The following SLCO2A1 variants were observed in gnomAD, a reference collection of about 807,000 sequenced individuals.
SLCO2A1 encodes the protein matrin F/G 1.
Under a neutral mutation model 71.7 loss-of-function variants are expected in SLCO2A1, and 60 were observed. That is an observed-to-expected ratio of 0.84 (90% CI 0.68 to 1.04). The LOEUF (loss-of-function observed/expected upper bound fraction) is 1.04, where lower values mean the gene tolerates loss of function less well. SLCO2A1 is among the 50% of genes least tolerant of loss of function. The probability of loss-of-function intolerance (pLI) is 0.00; values close to 1 mark genes in which losing one functional copy is unlikely to be tolerated. For missense variants in SLCO2A1, 745 were observed against 813.4 expected (o/e 0.92, Z 1.02); for synonymous variants, 308 against 326.7 (o/e 0.94, Z 0.62).
intron 6 of SLCO2A1, among the ~76,000 whole-genome samples, chr3:133,949,369 G>A (rs1198803260): frequency 2.0e-5 from 3 of 151,228 alleles, no homozygotes; most frequent in Non-Finnish European, 1.5e-5. Flanking sequence ...GGTCTAGAAT[G>A]CCATCTGTTT....
chr3:133,982,987 C>T (rs1934628909), intron 1 of SLCO2A1, among the ~76,000 whole-genome samples: 1 of 152,148 alleles, frequency 6.6e-6, no homozygotes, highest in Admixed American at 6.5e-5. Flanking sequence ...ATATTTTCTG[C>T]TGAGACTGAT....
chr3:134,014,550 G>A (rs143087690), intron 1 of SLCO2A1, among the ~76,000 whole-genome samples: 388 of 152,286 alleles, frequency 2.5e-3, no homozygotes, highest in Middle Eastern at 0.014. Context: ...GACAATGCGG[G>A]TGCTTTCGCC....
At chr3:133,941,176 T>C (rs1370165801) in intron 11 of SLCO2A1, among the ~76,000 whole-genome samples, 3 of 152,194 alleles carry the variant, frequency 2.0e-5, no homozygotes, top group Non-Finnish European at 4.4e-5. Context: ...ATAAATAGGG[T>C]AAAATCCCAG....
intron 1 of SLCO2A1, among the ~76,000 whole-genome samples, chr3:134,020,435 CTCCA>C (rs1935549504): frequency 6.6e-6 from 1 of 152,224 alleles, no homozygotes; most frequent in East Asian, 1.9e-4. Flanking sequence ...CGGCGGGGGA[CTCCA>C]ACTAGCCCAA....
chr3:133,945,092 T>C lies in SLCO2A1; in HGVS notation c.1461+3A>G. Reference sequence around the variant, plus strand: ...CTTGCCTCTGGACCCTGGCTGCCCTTACCAGTTGCTTGGAGGTTGCAGAGC... The same window carrying C: ...CTTGCCTCTGGACCCTGGCTGCCCTCACCAGTTGCTTGGAGGTTGCAGAGC... On this transcript the variant is annotated splice_donor_region_variant and intron_variant, in intron 10 of 13. Transcript: ENST00000310926. 6.2e-7 allele frequency: 1 copy of C among 1,611,184 alleles called. No individual in the cohort carries two copies.
At chr3:134,028,176 CT>C (rs1484179255) in intron 1 of SLCO2A1, among the ~76,000 whole-genome samples, 1 of 152,198 alleles carries the variant, frequency 6.6e-6, no homozygotes, top group African/African-American at 2.4e-5. Context: ...TGTCAGGAAT[CT>C]GTTCTGGACA....
chr3:133,988,259 T>C (rs1464112580), intron 1 of SLCO2A1, among the ~76,000 whole-genome samples: 1 of 152,198 alleles, frequency 6.6e-6, no homozygotes, highest in Non-Finnish European at 1.5e-5. Context: ...GCCTACTACT[T>C]GAAGGCTTCC....
chr3:133,991,735 C>T (rs1460598342), intron 1 of SLCO2A1, among the ~76,000 whole-genome samples: 1 of 152,186 alleles, frequency 6.6e-6, no homozygotes, highest in Admixed American at 6.5e-5. Flanking sequence ...GGAGGGGAGG[C>T]TGCAGGGGGC....
rs955668062 is a variant in SLCO2A1 at position 133,932,866 on chromosome 3, T to C, written c.*1847A>G. 6.5e-6 allele frequency: 1 copy of C among 152,716 alleles called. No homozygotes were observed. The highest frequency in any genetic ancestry group is 2.4e-5 in the African/African-American group (1 of 41,562). 9.5% of individuals were successfully genotyped at this position (152,716 alleles called of 1,614,324 possible). On this transcript the variant is annotated 3_prime_UTR_variant, in exon 14 of 14. Transcript: ENST00000310926. ...TTGCCATGGGAAAGACCAGGGTTAG[T>C]TGCAGGGCATCATTTTCCAAGCAGA...
chr3:133,951,065 G>T, intron 6 of SLCO2A1, 143 bp downstream of exon 6: 1 of 1,095,494 alleles, frequency 9.1e-7, no homozygotes, highest in Non-Finnish European at 1.4e-6. Context: ...AAAGCCTCTG[G>T]GAAGTCCTGC....
chr3:134,021,080 G>T (rs375979780), intron 1 of SLCO2A1, among the ~76,000 whole-genome samples: 1 of 152,160 alleles, frequency 6.6e-6, no homozygotes, highest in Non-Finnish European at 1.5e-5. Context: ...CTTTGGTTTT[G>T]GTTTTGACCT....
chr3:133,950,614 T>C (rs945416843), intron 6 of SLCO2A1, among the ~76,000 whole-genome samples: 2 of 152,184 alleles, frequency 1.3e-5, no homozygotes, highest in Non-Finnish European at 2.9e-5. Context: ...GCTCTAGAAC[T>C]TCATGGAATT....
At chr3:133,945,305 A>G (rs1296659788) in intron 9 of SLCO2A1, 45 bp from the exon 10 acceptor site, 2 of 1,558,764 alleles carry the variant, frequency 1.3e-6, no homozygotes, top group East Asian at 2.3e-5. Flanking sequence ...AGCAAGACCA[A>G]AGAAAAACCC....
At position 134,010,820 on chromosome 3, in the gene SLCO2A1, G is replaced by A. The variant is rs190822589; in HGVS notation, c.96+18887C>T. Among the ~76,000 whole-genome samples, 14 of 150,838 alleles carry A rather than the reference G, an allele frequency of 9.3e-5. No individual in the cohort carries two copies. The East Asian group carries it at 2.5e-3, about 27-fold the overall frequency. On this transcript the variant is annotated intron_variant, in intron 1 of 13. Transcript: ENST00000310926. Reference sequence around the variant, plus strand: ...CTCACTATCACAAAAACAGCATGGGGGAAACTGCCCCCATGATCCAATCAC... The same window carrying A: ...CTCACTATCACAAAAACAGCATGGGAGAAACTGCCCCCATGATCCAATCAC...
chr3:134,013,555 C>T (rs1935384637), intron 1 of SLCO2A1, among the ~76,000 whole-genome samples: 1 of 152,162 alleles, frequency 6.6e-6, no homozygotes, highest in Non-Finnish European at 1.5e-5. Context: ...CACACTTGTC[C>T]CACTTAAATT....
At chr3:134,010,156 G>A (rs1935303856) in intron 1 of SLCO2A1, among the ~76,000 whole-genome samples, 1 of 152,182 alleles carries the variant, frequency 6.6e-6, no homozygotes, top group South Asian at 2.1e-4. Flanking sequence ...AATGAAATGT[G>A]CCCATATTTG....
chr3:133,934,746 C>T lies in SLCO2A1; in HGVS notation c.1899G>A (p.Glu633=), dbSNP rs757611356. 84 of 1,613,536 alleles carry T rather than the reference C, an allele frequency of 5.2e-5. No individual in the cohort carries two copies. Among genetic ancestry groups the T allele is most frequent in the Non-Finnish European group, 6.7e-5 (79 of 1,180,010 alleles). Residue 633 remains glutamate, a synonymous_variant, in exon 14 of 14, where the codon GAG becomes GAA. Transcript: ENST00000310926. ...FISWRVKKNK[E]YNVQKAAGLI ...GGCCTGCCGCCTTCTGCACGTTGTA[C>T]TCCTTGTTCTTCTTCACCCTCCAGC...
At chr3:133,981,987 A>C (rs112466891) in intron 1 of SLCO2A1, among the ~76,000 whole-genome samples, 25,164 of 150,796 alleles carry the variant, frequency 0.17, 2,916 homozygotes, top group East Asian at 0.39. Flanking sequence ...AAAAAAAAAA[A>C]AAAAAAACAA....
chr3:134,008,601 T>A (rs1935271561), intron 1 of SLCO2A1, among the ~76,000 whole-genome samples: 1 of 152,150 alleles, frequency 6.6e-6, no homozygotes, highest in Non-Finnish European at 1.5e-5. Context: ...ACCTAGCAGA[T>A]CCCATCCTGG....
Sources: allele counts gnomAD v4.1 joint callset (sites outside exome capture counted in the v4.1 genomes callset), GRCh38; gene constraint gnomAD v4.1.1; transcripts MANE v1.5; gene names NCBI Gene and HGNC (gene_info 2026-07-23, HGNC 2026-07-21).